RLN2: variants seen among roughly 807,000 people sequenced by gnomAD.
RLN2 encodes the protein prorelaxin H2.
Under a neutral mutation model 7.3 loss-of-function variants are expected in RLN2, and 10 were observed. That is an observed-to-expected ratio of 1.36 (90% CI 0.84 to 2.31). RLN2 has a LOEUF of 2.31. RLN2 is among the 30% of genes most tolerant of loss of function. RLN2 has a pLI of 0.00. For synonymous variants in RLN2, 103 were observed against 82.3 expected (o/e 1.25, Z -1.36); for missense variants, 298 against 217.6 (o/e 1.37, Z -2.32).
At chr9:5,322,642 A>G in the RLN2 span, among the ~76,000 whole-genome samples, 14 of 152,082 alleles carry the variant, frequency 9.2e-5, no homozygotes, top group East Asian at 9.6e-4. Context: ...ATAAAGCTAC[A>G]AACATCCTGG....
the RLN2 span, chr9:5,334,996 T>C: frequency 2.9e-6 from 1 of 347,838 alleles, no homozygotes; most frequent in Non-Finnish European, 5.1e-6. Flanking sequence ...ATTGTAATTT[T>C]AAGTTAACAG....
At chr9:5,307,252 T>TA (rs1563737928), upstream of RLN2, among the ~76,000 whole-genome samples, 16 of 143,970 alleles carry the variant, frequency 1.1e-4, no homozygotes, top group South Asian at 4.6e-4. Flanking sequence ...GATAGATAGA[T>TA]GATAGATAGA....
At chr9:5,314,457 C>A in the RLN2 span, among the ~76,000 whole-genome samples, 56 of 152,138 alleles carry the variant, frequency 3.7e-4, no homozygotes, top group African/African-American at 1.3e-3. Flanking sequence ...CATGCACCCC[C>A]ATTCCTGAAT....
In RLN2 at chr9:5,304,693, C is replaced by G. The variant is rs1299255048; in HGVS notation, c.-113G>C. 1.8e-6 allele frequency: 2 copies of G among 1,086,462 alleles called. No individual in the cohort carries two copies. Among genetic ancestry groups the G allele is most frequent in the Non-Finnish European group, 2.7e-6 (2 of 730,408 alleles). The allele number at this position is 1,086,462 out of a possible 1,614,324, so 67.3% of individuals were successfully genotyped here. A position where few individuals can be genotyped will look rare whatever the true frequency, so the allele number is the denominator to read the frequency against. On this transcript the variant is annotated 5_prime_UTR_variant, in exon 1 of 2. Transcript: ENST00000381627. ...TGTCCCGGGCTTTAGGCTGCTTTCC[C>G]TACCCGGCTCAAGCGGTCTTTTGTA...
chr9:5,306,583 TC>T (rs1563737519), upstream of RLN2, among the ~76,000 whole-genome samples: 1 of 152,016 alleles, frequency 6.6e-6, no homozygotes, highest in African/African-American at 2.4e-5. Context: ...AGATTCACAG[TC>T]TTTACAGGCA....
At chr9:5,323,983 G>T in the RLN2 span, among the ~76,000 whole-genome samples, 2 of 151,926 alleles carry the variant, frequency 1.3e-5, no homozygotes, top group African/African-American at 2.4e-5. Flanking sequence ...AAAGGCAGAG[G>T]TTGCAGTGAG....
the RLN2 span, among the ~76,000 whole-genome samples, chr9:5,328,756 T>C: frequency 3.2e-5 from 3 of 93,584 alleles, no homozygotes; most frequent in South Asian, 1.3e-3. Context: ...GGGCCAATAT[T>C]CAACATTCTT....
At chr9:5,312,144 G>A in the RLN2 span, among the ~76,000 whole-genome samples, 1 of 151,978 alleles carries the variant, frequency 6.6e-6, no homozygotes, top group Admixed American at 6.5e-5. Context: ...AGTTTTGAGA[G>A]ACTTCCTCTT....
In RLN2 at chr9:5,300,455, TA is replaced by T. The variant is rs200301455; in HGVS notation, c.212-12del. ...AGGATGGCACAATTTCTGTTAAATTTAAAAAAAAAGGTGTATGTGAGGGTAT... is the reference window on the plus strand; with the variant it reads ...AGGATGGCACAATTTCTGTTAAATTTAAAAAAAAGGTGTATGTGAGGGTAT... On this transcript the variant is annotated splice_polypyrimidine_tract_variant and intron_variant, in intron 1 of 1. Transcript: ENST00000381627. 770 of 1,542,868 alleles carry T rather than the reference TA, an allele frequency of 5.0e-4. No individual in the cohort carries two copies. Among genetic ancestry groups the T allele is most frequent in the Admixed American group, 1.1e-3 (54 of 50,996 alleles).
Position 5,300,330 on chromosome 9 carries a change from A to G in RLN2, c.326T>C (p.Leu109Ser). 2.5e-6 allele frequency: 4 copies of G among 1,613,964 alleles called. No homozygotes were observed. Among genetic ancestry groups the G allele is most frequent in the Non-Finnish European group, 3.4e-6 (4 of 1,179,844 alleles). ...KLTLSEMQPA[L>S]PQLQQHVPVL... ...AGGTACATGTTGTTGTAGCTGTGGT[A>G]ATGCTGGCTGCATCTCAGACAGGGT... is the stretch of plus-strand genomic sequence containing the variant. The change falls in exon 2 of 2, where the codon TTA (leucine) becomes TCA (serine). Residue 109 changes from leucine to serine, a missense_variant. Transcript: ENST00000381627.
chr9:5,325,452 C>G, the RLN2 span, among the ~76,000 whole-genome samples: 1 of 151,972 alleles, frequency 6.6e-6, no homozygotes, highest in African/African-American at 2.4e-5. Context: ...GAGGTAAATA[C>G]ACAATAGAAC....
chr9:5,321,606 G>A, the RLN2 span, among the ~76,000 whole-genome samples: 1 of 151,866 alleles, frequency 6.6e-6, no homozygotes, highest in Non-Finnish European at 1.5e-5. Flanking sequence ...AGGAAGGAGG[G>A]ATGGAGGGAA....
chr9:5,306,939 G>A (rs977737999), upstream of RLN2, among the ~76,000 whole-genome samples: 11 of 152,078 alleles, frequency 7.2e-5, no homozygotes, highest in Non-Finnish European at 1.2e-4. Flanking sequence ...CACAAGTGTG[G>A]AGGTTTCTGG....
chr9:5,306,781 G>T (rs937745021), upstream of RLN2, among the ~76,000 whole-genome samples: 2 of 151,968 alleles, frequency 1.3e-5, no homozygotes, highest in African/African-American at 4.8e-5. Context: ...TAGTTCATCT[G>T]AATAGTGAAG....
chr9:5,306,153 G>C (rs892202239), upstream of RLN2, among the ~76,000 whole-genome samples: 1 of 148,210 alleles, frequency 6.7e-6, no homozygotes, highest in Non-Finnish European at 1.5e-5. Flanking sequence ...TTGTCGCCAG[G>C]CTGGAGTGCA....
At chr9:5,320,238 G>C in the RLN2 span, among the ~76,000 whole-genome samples, 33 of 148,158 alleles carry the variant, frequency 2.2e-4, no homozygotes, top group South Asian at 8.7e-4. Flanking sequence ...CGCCCTCCTC[G>C]GCCTCCCAAT....
chr9:5,304,299 C>CA lies in RLN2; in HGVS notation c.211+70_211+71insT, dbSNP rs1351828099. ...CGAGTCGGACGTGCAGGCCGCCGTTCCAATTGGGCGGCCGCCCCAGAGTAA... is the reference window on the plus strand; with the variant it reads ...CGAGTCGGACGTGCAGGCCGCCGTTCACAATTGGGCGGCCGCCCCAGAGTAA... On this transcript the variant is annotated intron_variant, in intron 1 of 1. Coordinates refer to ENST00000381627, the MANE Select transcript of RLN2 (RefSeq NM_134441.3). The CA allele has an allele frequency of 3.8e-6, 4 of 1,064,574 alleles. No homozygotes were observed. In the African/African-American group the frequency reaches 7.3e-5, roughly 20 times the overall value. 65.9% of individuals were successfully genotyped at this position (1,064,574 alleles called of 1,614,324 possible).
chr9:5,328,490 G>C, the RLN2 span, among the ~76,000 whole-genome samples: 1 of 151,990 alleles, frequency 6.6e-6, no homozygotes, highest in Non-Finnish European at 1.5e-5. Context: ...ACACTCTTCA[G>C]GATATTATCC....
Position 5,300,344 on chromosome 9 carries a change from C to G in RLN2, c.312G>C (p.Glu104Asp). 6.2e-7 allele frequency: 1 copy of G among 1,613,822 alleles called. No homozygotes were observed. Among genetic ancestry groups the G allele is most frequent in the Non-Finnish European group, 8.5e-7 (1 of 1,179,772 alleles). Residue 104 changes from glutamate to aspartate, a missense_variant, in exon 2 of 2, where the codon GAG (glutamate) becomes GAC (aspartate). By Grantham distance (45) the Glu-to-Asp change is conservative. Transcript: ENST00000381627. ...GTAGCTGTGGTAATGCTGGCTGCAT[C>G]TCAGACAGGGTTAACTTCAGCTCCT... ...LPQELKLTLS[E>D]MQPALPQLQQ...
Sources: allele counts gnomAD v4.1 joint callset (sites outside exome capture counted in the v4.1 genomes callset), GRCh38; gene constraint gnomAD v4.1.1; transcripts MANE v1.5; gene names NCBI Gene and HGNC (gene_info 2026-07-23, HGNC 2026-07-21).